Variants in ZCCHC10 observed in about 807,000 individuals in gnomAD.
The protein encoded by ZCCHC10 is zinc finger CCHC domain-containing protein 10.
In ZCCHC10, 16 loss-of-function variants were observed where a neutral mutation model predicts 19.5. That is an observed-to-expected ratio of 0.82 (90% CI 0.56 to 1.25). ZCCHC10 has a LOEUF of 1.25. Among genes scored for constraint, ZCCHC10 ranks in the 50% most tolerant of loss-of-function variants. The pLI is 0.00. For missense variants in ZCCHC10, 197 were observed against 201.0 expected (o/e 0.98, Z 0.12); for synonymous variants, 67 against 72.5 (o/e 0.92, Z 0.38).
rs1764728450 is a variant in ZCCHC10 at position 133,026,483 on chromosome 5, G to C, written c.41+14C>G. The C allele has an allele frequency of 1.2e-6, 2 of 1,613,152 alleles. No individual in the cohort carries two copies. Among genetic ancestry groups the C allele is most frequent in the East Asian group, 2.2e-5 (1 of 44,852 alleles). On this transcript the variant is annotated intron_variant, in intron 1 of 4. Transcript: ENST00000509437. ...CCCAGCCCTCCAGTGGACCCGAACC[G>C]GATCCTTACTTACGCTTGTCTCCGG...
chr5:133,014,458 C>G (rs1581411858), intron 2 of ZCCHC10, among the ~76,000 whole-genome samples: 1 of 152,144 alleles, frequency 6.6e-6, no homozygotes, highest in East Asian at 1.9e-4. Flanking sequence ...AGCCACCGCG[C>G]CCAGACCTAT....
At chr5:133,007,487 G>A (rs1763197347) in intron 2 of ZCCHC10, among the ~76,000 whole-genome samples, 2 of 151,544 alleles carry the variant, frequency 1.3e-5, no homozygotes, top group South Asian at 4.2e-4. Flanking sequence ...AGCTTGCAGT[G>A]AGCCAAGGTT....
intron 3 of ZCCHC10, among the ~76,000 whole-genome samples, chr5:133,002,821 G>A (rs537872602): frequency 2.0e-5 from 3 of 148,218 alleles, no homozygotes; most frequent in Admixed American, 6.7e-5. Context: ...CTGGGTTCAA[G>A]CAATTTTCCT....
chr5:133,011,639 A>C (rs932668117), intron 2 of ZCCHC10, among the ~76,000 whole-genome samples: 1 of 151,160 alleles, frequency 6.6e-6, no homozygotes, highest in Admixed American at 6.6e-5. Context: ...AAAAAAAAAA[A>C]AAAAAAAAAC....
chr5:133,011,623 C>CAA (rs1282644295), intron 2 of ZCCHC10, among the ~76,000 whole-genome samples: 2 of 52,976 alleles, frequency 3.8e-5, no homozygotes, highest in African/African-American at 9.0e-5. Context: ...GAGACTCCAT[C>CAA]TAAAAAAAAA....
At chr5:133,016,528 C>T (rs1263027793) in intron 2 of ZCCHC10, among the ~76,000 whole-genome samples, 1 of 152,150 alleles carries the variant, frequency 6.6e-6, no homozygotes, top group East Asian at 1.9e-4. Flanking sequence ...CTGCAACCTC[C>T]GCCTCCGGGG....
chr5:133,014,967 T>C (rs1364137447), intron 2 of ZCCHC10, among the ~76,000 whole-genome samples: 1 of 152,212 alleles, frequency 6.6e-6, no homozygotes, highest in Non-Finnish European at 1.5e-5. Context: ...GCTGTGTACT[T>C]CTCATTGTAT....
At chr5:133,011,697 G>A (rs1403853762) in intron 2 of ZCCHC10, among the ~76,000 whole-genome samples, 2 of 148,152 alleles carry the variant, frequency 1.3e-5, no homozygotes, top group Non-Finnish European at 3.0e-5. Flanking sequence ...AACAAATAGA[G>A]AGATATACCA....
chr5:133,011,949 G>C lies in ZCCHC10; in HGVS notation c.108-5029C>G, dbSNP rs1037157878. On this transcript the variant is annotated intron_variant, in intron 2 of 4. Transcript: ENST00000509437. ...GTTCGAGACCAGTGTGGGCAACATG[G>C]TGAAAGCCCATCTCCACCAAAAAAA... is the stretch of plus-strand genomic sequence containing the variant. Among the ~76,000 whole-genome samples the C allele has an allele frequency of 3.3e-5, 5 of 151,870 alleles. 1 individual carries two copies. The highest frequency in any genetic ancestry group is 6.6e-5 in the Admixed American group (1 of 15,194).
chr5:133,009,778 G>A (rs1763377118), intron 2 of ZCCHC10, among the ~76,000 whole-genome samples: 1 of 151,806 alleles, frequency 6.6e-6, no homozygotes, highest in Non-Finnish European at 1.5e-5. Context: ...TAAGACGAAG[G>A]GCTATACCCT....
intron 2 of ZCCHC10, among the ~76,000 whole-genome samples, chr5:133,021,620 T>A (rs1406440015): frequency 6.6e-6 from 1 of 152,034 alleles, no homozygotes; most frequent in Non-Finnish European, 1.5e-5. Flanking sequence ...TCAAAATAAC[T>A]CTGAAAAAGA....
intron 2 of ZCCHC10, among the ~76,000 whole-genome samples, chr5:133,020,393 G>A (rs758273976): frequency 1.3e-5 from 2 of 151,712 alleles, no homozygotes; most frequent in Admixed American, 6.6e-5. Context: ...GCAAGGAACC[G>A]AGATCACGCC....
At chr5:133,002,022 C>A (rs553089647) in intron 3 of ZCCHC10, among the ~76,000 whole-genome samples, 1 of 113,506 alleles carries the variant, frequency 8.8e-6, no homozygotes, top group South Asian at 2.9e-4. Context: ...GAGTGCAGTG[C>A]TGGATCTCGG....
At chr5:133,026,234 T>C (rs897134797) in intron 1 of ZCCHC10, among the ~76,000 whole-genome samples, 1 of 152,170 alleles carries the variant, frequency 6.6e-6, no homozygotes, top group African/African-American at 2.4e-5. Context: ...ACTGTGGGCG[T>C]TCCTTTCAGA....
intron 1 of ZCCHC10, 87 bp downstream of exon 1, chr5:133,026,410 G>T (rs1045744640): frequency 4.5e-6 from 7 of 1,541,286 alleles, no homozygotes; most frequent in Non-Finnish European, 6.2e-6. Flanking sequence ...TTCTCCGCCG[G>T]TCCCAATAGG....
intron 2 of ZCCHC10, among the ~76,000 whole-genome samples, chr5:133,009,335 T>C (rs1259669033): frequency 1.3e-5 from 2 of 151,394 alleles, no homozygotes; most frequent in African/African-American, 2.4e-5. Flanking sequence ...CCAAAAAAGA[T>C]GGCCAGGTGC....
intron 3 of ZCCHC10, among the ~76,000 whole-genome samples, chr5:133,001,306 T>G (rs1312535594): frequency 6.6e-6 from 1 of 151,634 alleles, no homozygotes; most frequent in Non-Finnish European, 1.5e-5. Flanking sequence ...CAGGAGAATC[T>G]CTTGAACCTG....
chr5:133,023,881 AC>A (rs1301409602), intron 1 of ZCCHC10, among the ~76,000 whole-genome samples: 1 of 152,052 alleles, frequency 6.6e-6, no homozygotes, highest in Non-Finnish European at 1.5e-5. Flanking sequence ...ATAAAATTAA[AC>A]CTTTTTGATG....
chr5:133,005,716 T>C (rs1336451004), intron 3 of ZCCHC10, among the ~76,000 whole-genome samples: 3 of 152,254 alleles, frequency 2.0e-5, no homozygotes, highest in Admixed American at 1.3e-4. Context: ...ATGTTAGAGA[T>C]GGGTGAGAGG....
Sources: gnomAD v4.1 joint callset for allele counts (sites outside exome capture counted in the v4.1 genomes callset) on GRCh38, gnomAD v4.1.1 for gene constraint, MANE v1.5 for transcripts, NCBI Gene and HGNC (gene_info 2026-07-23, HGNC 2026-07-21) for gene names.